PPFIBP2: variants seen among roughly 807,000 people sequenced by gnomAD.
The protein encoded by PPFIBP2 is liprin-beta-2.
A neutral mutation model predicts 118.3 loss-of-function variants in PPFIBP2; 118 were observed. The ratio of observed to expected loss-of-function variants is 1.00; its 90% CI spans 0.86 to 1.16. The LOEUF is 1.16. PPFIBP2 is among the 50% of genes most tolerant of loss of function. PPFIBP2 has a pLI of 0.00. For synonymous variants in PPFIBP2, 414 were observed against 397.4 expected (o/e 1.04, Z -0.50); for missense variants, 1,195 against 1,073.1 (o/e 1.11, Z -1.59).
downstream of PPFIBP2, among the ~76,000 whole-genome samples, chr11:7,656,271 G>C (rs767587487): frequency 6.6e-6 from 1 of 152,210 alleles, no homozygotes; most frequent in Non-Finnish European, 1.5e-5. Context: ...ATTGGCTATA[G>C]TGTCTGTCCC....
At chr11:7,659,771 TA>T (rs1273840167), downstream of PPFIBP2, among the ~76,000 whole-genome samples, 2 of 87,590 alleles carry the variant, frequency 2.3e-5, no homozygotes, top group African/African-American at 7.5e-5. Context: ...TGATTCTTCC[TA>T]CCCATGAGCA....
At chr11:7,665,142 A>C in the PPFIBP2 span, 1 of 411,956 alleles carries the variant, frequency 2.4e-6, no homozygotes, top group Non-Finnish European at 4.3e-6. Flanking sequence ...ACCACGGAGA[A>C]AGATACTGAA....
intron 11 of PPFIBP2, 23 bp from the exon 12 acceptor site, chr11:7,632,844 T>A: frequency 6.3e-7 from 1 of 1,597,150 alleles, no homozygotes; most frequent in Non-Finnish European, 8.6e-7. Flanking sequence ...TCCTCTACCG[T>A]GACTCTTCTG....
At chr11:7,618,554 G>A (rs143612883) in intron 6 of PPFIBP2, among the ~76,000 whole-genome samples, 4 of 152,276 alleles carry the variant, frequency 2.6e-5, no homozygotes, top group Non-Finnish European at 4.4e-5. Context: ...CTCAACTTGT[G>A]GGCATTGGAG....
chr11:7,626,023 A>G, intron 8 of PPFIBP2, 132 bp downstream of exon 8: 1 of 757,132 alleles, frequency 1.3e-6, no homozygotes, highest in South Asian at 1.8e-5. Context: ...ACATGCATGT[A>G]TGTGTGCAAG....
At chr11:7,565,098 G>T (rs1854804263) in intron 2 of PPFIBP2, among the ~76,000 whole-genome samples, 1 of 152,198 alleles carries the variant, frequency 6.6e-6, no homozygotes, top group African/African-American at 2.4e-5. Flanking sequence ...GACTGGCTGT[G>T]CTTTCCCAGT....
intron 16 of PPFIBP2, 103 bp downstream of exon 16, chr11:7,641,723 A>T: frequency 8.8e-7 from 1 of 1,139,142 alleles, no homozygotes. Context: ...CTGAAACAGC[A>T]GTCAAAACAG....
chr11:7,647,881 CTGTTT>C (rs1297004315), intron 17 of PPFIBP2, among the ~76,000 whole-genome samples: 2 of 152,142 alleles, frequency 1.3e-5, no homozygotes, highest in Admixed American at 1.3e-4. Flanking sequence ...AATGTTCCTC[CTGTTT>C]TGTTAATAAG....
At chr11:7,625,981 A>G in intron 8 of PPFIBP2, 90 bp downstream of exon 8, 2 of 1,103,118 alleles carry the variant, frequency 1.8e-6, no homozygotes, top group Non-Finnish European at 1.3e-6. Flanking sequence ...ATGAGTGTGC[A>G]TATGTGCTTG....
chr11:7,594,810 G>T (rs145274795), intron 4 of PPFIBP2, among the ~76,000 whole-genome samples: 3 of 151,874 alleles, frequency 2.0e-5, no homozygotes, highest in African/African-American at 7.3e-5. Flanking sequence ...CCAGCTACTC[G>T]GAAGGCTGAC....
chr11:7,658,064 G>C (rs1854801454), downstream of PPFIBP2, among the ~76,000 whole-genome samples: 1 of 152,224 alleles, frequency 6.6e-6, no homozygotes, highest in Admixed American at 6.5e-5. Flanking sequence ...GTGTAGTGGA[G>C]TACAGACCAG....
intron 4 of PPFIBP2, among the ~76,000 whole-genome samples, chr11:7,594,902 G>A (rs930857278): frequency 7.3e-6 from 1 of 137,502 alleles, no homozygotes; most frequent in Non-Finnish European, 1.5e-5. Context: ...GGGCAACAGA[G>A]CGAGACTCCA....
chr11:7,606,434 A>G (rs754442833), intron 5 of PPFIBP2, among the ~76,000 whole-genome samples: 4 of 152,176 alleles, frequency 2.6e-5, no homozygotes, highest in Non-Finnish European at 4.4e-5. Context: ...AGTTTGTTGA[A>G]GGCTGATTTT....
chr11:7,542,031 C>T (rs775216081), intron 1 of PPFIBP2, among the ~76,000 whole-genome samples: 2 of 152,198 alleles, frequency 1.3e-5, no homozygotes, highest in South Asian at 2.1e-4. Context: ...TTCACTGCTG[C>T]GTCCCCTGCA....
At chr11:7,644,802 C>T (rs1326879320) in intron 17 of PPFIBP2, among the ~76,000 whole-genome samples, 16 of 151,324 alleles carry the variant, frequency 1.1e-4, no homozygotes, top group East Asian at 3.9e-4. Context: ...CCGAGGCGGG[C>T]GGATCACGAG....
intron 2 of PPFIBP2, among the ~76,000 whole-genome samples, chr11:7,562,112 C>T (rs915993503): frequency 6.6e-6 from 1 of 152,226 alleles, no homozygotes. Context: ...GAATCTAACG[C>T]CACCAGTGAT....
intron 3 of PPFIBP2, among the ~76,000 whole-genome samples, chr11:7,592,233 G>A (rs80185215): frequency 0.011 from 1,733 of 152,284 alleles, 45 homozygotes; most frequent in African/African-American, 0.04. Context: ...GGAAGGAGGT[G>A]TTGGGGCCAG....
intron 1 of PPFIBP2, among the ~76,000 whole-genome samples, chr11:7,537,920 T>C (rs1564949396): frequency 4.6e-5 from 5 of 107,736 alleles, no homozygotes. Flanking sequence ...CATTAAGGCA[T>C]GGCCTTGGTT....
chr11:7,648,596 A>AT (rs1853490545), intron 18 of PPFIBP2, 59 bp downstream of exon 18: 1 of 1,595,592 alleles, frequency 6.3e-7, no homozygotes, highest in East Asian at 2.2e-5. Flanking sequence ...TGGGGAGGCC[A>AT]GGGTCCGCCA....
Sources: allele counts gnomAD v4.1 joint callset (sites outside exome capture counted in the v4.1 genomes callset), GRCh38; gene constraint gnomAD v4.1.1; transcripts MANE v1.5; gene names NCBI Gene and HGNC (gene_info 2026-07-23, HGNC 2026-07-21).